The following GRM8 variants were observed in gnomAD, a reference collection of about 807,000 sequenced individuals.
GRM8 encodes glutamate metabotropic receptor 8, also known as metabotropic glutamate receptor 8.
Under a neutral mutation model 87.2 loss-of-function variants are expected in GRM8, and 47 were observed. The ratio of observed to expected loss-of-function variants is 0.54; its 90% CI spans 0.43 to 0.69. GRM8 has a LOEUF of 0.69. Among genes scored for constraint, GRM8 ranks in the 30% least tolerant of loss-of-function variants. GRM8 has a pLI of 0.00. For synonymous variants in GRM8, 396 were observed against 404.5 expected, an observed-to-expected ratio of 0.98 and a Z score of 0.25; for missense variants, 1,019 against 1,139.2, an observed-to-expected ratio of 0.89 and a Z score of 1.52.
At chr7:127,107,573 C>G (rs1825925715) in intron 2 of GRM8, among the ~76,000 whole-genome samples, 1 of 152,120 alleles carries the variant, frequency 6.6e-6, no homozygotes, top group Non-Finnish European at 1.5e-5. Context: ...ATTCAGGTAA[C>G]TTGAAGATGC....
At chr7:127,222,333 G>A (rs1048244748) in intron 2 of GRM8, among the ~76,000 whole-genome samples, 5 of 152,178 alleles carry the variant, frequency 3.3e-5, no homozygotes, top group East Asian at 3.9e-4. Flanking sequence ...CCTTGGAACC[G>A]GGAGGCGGAG....
chr7:126,878,000 G>A (rs1457635658), intron 6 of GRM8, among the ~76,000 whole-genome samples: 1 of 152,042 alleles, frequency 6.6e-6, no homozygotes, highest in African/African-American at 2.4e-5. Flanking sequence ...TGAAACATTG[G>A]ACAAATTAAG....
rs1260351147 is a variant in GRM8 at position 126,903,593 on chromosome 7, C to T, written c.1018+379G>A. On this transcript the variant is annotated intron_variant, in intron 5 of 10. Transcript: ENST00000339582. ...ACACACACACACACACACACACACA[C>T]ACACACACTATATACATATATACAT... 3.1e-4 allele frequency among the ~76,000 whole-genome samples: 45 copies of T among 145,372 alleles called. 1 individual carries two copies. The highest frequency in any genetic ancestry group is 2.8e-3 in the East Asian group (14 of 4,972).
intron 3 of GRM8, among the ~76,000 whole-genome samples, chr7:126,986,745 A>G (rs1004558493): frequency 2.6e-5 from 4 of 152,230 alleles, no homozygotes; most frequent in African/African-American, 9.6e-5. Flanking sequence ...TCAGGCCACT[A>G]GAATTACCTC....
intron 8 of GRM8, among the ~76,000 whole-genome samples, chr7:126,596,100 G>A (rs1797163859): frequency 6.6e-6 from 1 of 152,108 alleles, no homozygotes; most frequent in African/African-American, 2.4e-5. Context: ...CTCCAGAGTG[G>A]GTAACAGAGT....
At chr7:126,520,755 T>C (rs546130896) in intron 9 of GRM8, among the ~76,000 whole-genome samples, 7 of 152,260 alleles carry the variant, frequency 4.6e-5, no homozygotes, top group African/African-American at 1.7e-4. Flanking sequence ...AACAGGTAAT[T>C]TGACGGCCTT....
chr7:126,830,505 G>A (rs1219102613), intron 6 of GRM8, among the ~76,000 whole-genome samples: 5 of 152,102 alleles, frequency 3.3e-5, no homozygotes, highest in Admixed American at 3.3e-4. Context: ...CGGCTCCTGA[G>A]GCGTCTGCAT....
At chr7:127,174,854 A>G (rs985458868) in intron 2 of GRM8, among the ~76,000 whole-genome samples, 1 of 152,200 alleles carries the variant, frequency 6.6e-6, no homozygotes, top group Non-Finnish European at 1.5e-5. Context: ...GTAGGCTTCC[A>G]TACTTCTGAA....
intron 9 of GRM8, among the ~76,000 whole-genome samples, chr7:126,523,136 C>T (rs1223336676): frequency 6.6e-6 from 1 of 152,140 alleles, no homozygotes; most frequent in African/African-American, 2.4e-5. Flanking sequence ...TTTACAAATT[C>T]AAAATCATTC....
intron 7 of GRM8, among the ~76,000 whole-genome samples, chr7:126,661,575 C>T (rs548396866): frequency 6.6e-6 from 1 of 152,266 alleles, no homozygotes; most frequent in South Asian, 2.1e-4. Flanking sequence ...CATTGGTGAT[C>T]ATGAGGAGCA....
intron 3 of GRM8, among the ~76,000 whole-genome samples, chr7:127,093,820 T>C (rs928279243): frequency 6.6e-6 from 1 of 151,774 alleles, no homozygotes; most frequent in African/African-American, 2.4e-5. Flanking sequence ...CAGGTAAGAG[T>C]GAAAAAAGCA....
chr7:126,515,448 T>C (rs1812029780), intron 9 of GRM8, among the ~76,000 whole-genome samples: 1 of 152,104 alleles, frequency 6.6e-6, no homozygotes, highest in African/African-American at 2.4e-5. Flanking sequence ...AGTATTTACT[T>C]ACTGTATAAG....
At chr7:126,728,259 AGTGCT>A (rs1813226164) in intron 7 of GRM8, among the ~76,000 whole-genome samples, 1 of 152,190 alleles carries the variant, frequency 6.6e-6, no homozygotes, top group Non-Finnish European at 1.5e-5. Flanking sequence ...CCATTCTCAC[AGTGCT>A]GTGCCACACA....
At chr7:127,243,992 A>ATTACCC (rs1197766212) in intron 1 of GRM8, among the ~76,000 whole-genome samples, 1 of 152,180 alleles carries the variant, frequency 6.6e-6, no homozygotes, top group Non-Finnish European at 1.5e-5. Context: ...CCAGTAGGAA[A>ATTACCC]AAGTGATTAT....
intron 2 of GRM8, among the ~76,000 whole-genome samples, chr7:127,178,940 CA>C (rs1794275772): frequency 6.6e-6 from 1 of 151,956 alleles, no homozygotes; most frequent in African/African-American, 2.4e-5. Flanking sequence ...TGTTAAGAAG[CA>C]AAACAAAAAG....
At chr7:126,692,864 TATCA>T (rs940890946) in intron 7 of GRM8, among the ~76,000 whole-genome samples, 3 of 152,182 alleles carry the variant, frequency 2.0e-5, no homozygotes, top group Non-Finnish European at 4.4e-5. Flanking sequence ...ACCTTCCAAA[TATCA>T]ATCTTGTAAA....
At chr7:127,071,617 G>A (rs1394544581) in intron 3 of GRM8, among the ~76,000 whole-genome samples, 1 of 152,092 alleles carries the variant, frequency 6.6e-6, no homozygotes. Context: ...AACCCTTCCT[G>A]GCAACTCAGA....
chr7:126,727,720 C>T (rs1266033227), intron 7 of GRM8, among the ~76,000 whole-genome samples: 1 of 151,414 alleles, frequency 6.6e-6, no homozygotes, highest in Non-Finnish European at 1.5e-5. Context: ...CACACACACA[C>T]ACACACACAC....
intron 2 of GRM8, among the ~76,000 whole-genome samples, chr7:127,204,710 T>C (rs1028652865): frequency 3.9e-5 from 6 of 152,188 alleles, no homozygotes; most frequent in African/African-American, 1.2e-4. Context: ...CTTGAAACCC[T>C]GGCCTTTTTT....
Sources: allele counts gnomAD v4.1 joint callset (sites outside exome capture counted in the v4.1 genomes callset), GRCh38; gene constraint gnomAD v4.1.1; transcripts MANE v1.5; gene names NCBI Gene and HGNC (gene_info 2026-07-23, HGNC 2026-07-21).